Variants in MYBPC2 observed in about 807,000 individuals in gnomAD.
The protein encoded by MYBPC2 is myosin-binding protein C, fast-type.
A neutral mutation model predicts 137.0 loss-of-function variants in MYBPC2; 122 were observed. The ratio of observed to expected loss-of-function variants is 0.89; its 90% CI spans 0.77 to 1.03. The LOEUF (loss-of-function observed/expected upper bound fraction) is 1.03, where lower values mean the gene tolerates loss of function less well. MYBPC2 is among the 50% of genes least tolerant of loss of function. The pLI is 0.00. For missense variants in MYBPC2, 1,500 were observed against 1,534.4 expected, an observed-to-expected ratio of 0.98 and a Z score of 0.37; for synonymous variants, 626 against 612.3, an observed-to-expected ratio of 1.02 and a Z score of -0.33.
chr19:50,441,505 C>T lies in MYBPC2; in HGVS notation c.769+429C>T, dbSNP rs191646659. On this transcript the variant is annotated intron_variant, in intron 8 of 27. Transcript: ENST00000357701. ...CTCTGTCTCTGGGGTAGCCCTGTTC[C>T]GCAGGAGCAGTCAGAGGGCTGTAAC... Among the ~76,000 whole-genome samples, 27 of 152,308 alleles carry T rather than the reference C, an allele frequency of 1.8e-4. 1 individual carries two copies. Among genetic ancestry groups the T allele is most frequent in the South Asian group, 1.0e-3 (5 of 4,830 alleles).
chr19:50,456,170 T>TATCCATCC (rs536173459), intron 20 of MYBPC2, among the ~76,000 whole-genome samples: 80 of 141,300 alleles, frequency 5.7e-4, no homozygotes, highest in Non-Finnish European at 1.1e-3. Context: ...TATTTCCATC[T>TATCCATCC]ATCCATCCAT....
Position 50,466,059 on chromosome 19 carries a change from C to T in MYBPC2, c.3416-136C>T. 2 of 1,240,838 alleles carry T rather than the reference C, an allele frequency of 1.6e-6. No homozygotes were observed. Among genetic ancestry groups the T allele is most frequent in the Non-Finnish European group, 2.3e-6 (2 of 883,464 alleles). The allele number at this position is 1,240,838 out of a possible 1,614,324, so 76.9% of individuals were successfully genotyped here. On this transcript the variant is annotated intron_variant, in intron 27 of 27. Transcript: ENST00000357701. This position sits in a 1 kb window ranked among gnomAD's most constrained non-coding sequence, Gnocchi z 4.9. ...ACTGTGACTCTGGGTTGTCCAGCCA[C>T]AGTGGCCTAGGATGGGGCGGGATGG...
chr19:50,462,347 C>A (rs888664353), intron 26 of MYBPC2, among the ~76,000 whole-genome samples: 2 of 151,898 alleles, frequency 1.3e-5, no homozygotes, highest in African/African-American at 4.8e-5. Context: ...CCACTGTGGC[C>A]AGCTAATTTT....
chr19:50,457,161 G>A (rs1011042024), intron 20 of MYBPC2, among the ~76,000 whole-genome samples: 2 of 152,116 alleles, frequency 1.3e-5, no homozygotes, highest in African/African-American at 2.4e-5. Flanking sequence ...GTACAGTGAC[G>A]ATGTACTCGA....
chr19:50,441,551 G>A (rs1006612078), intron 8 of MYBPC2, among the ~76,000 whole-genome samples: 4 of 152,154 alleles, frequency 2.6e-5, no homozygotes, highest in Admixed American at 1.3e-4. Flanking sequence ...CAATAAAGCT[G>A]TTTTCAGGCT....
intron 1 of MYBPC2, among the ~76,000 whole-genome samples, chr19:50,433,398 T>G (rs1308398743): frequency 5.1e-5 from 7 of 137,174 alleles, no homozygotes; most frequent in South Asian, 2.4e-4. Context: ...TTTGTTTTTG[T>G]TTTTTGGTTT....
rs1464536771 is a variant in MYBPC2 at position 50,459,155 on chromosome 19, G to A, written c.2640G>A (p.Pro880=). Residue 880 remains proline (P), a synonymous_variant, in exon 23 of 28, where the codon CCG becomes CCA. Coordinates refer to ENST00000357701, the MANE Select transcript of MYBPC2 (RefSeq NM_004533.4). ...TGGTGTGGACCAAGGGCGGGGCCCC[G>A]CTGGACACCTCCCGCGTGCACGTGC... ...PQVVWTKGGA[P]LDTSRVHVRT... The A allele has an allele frequency of 2.2e-5, 33 of 1,532,254 alleles. No individual in the cohort carries two copies. Among genetic ancestry groups the A allele is most frequent in the Non-Finnish European group, 2.7e-5 (31 of 1,135,096 alleles). The allele number at this position is 1,532,254 out of a possible 1,614,324, so 94.9% of individuals were successfully genotyped here.
At chr19:50,462,170 AT>A (rs1215084169) in intron 26 of MYBPC2, 134 bp downstream of exon 26, 7 of 1,300,256 alleles carry the variant, frequency 5.4e-6, no homozygotes, top group Admixed American at 3.2e-5. Flanking sequence ...CACTTAAAAA[AT>A]TTTTTTAATT....
chr19:50,454,771 C>T (rs2039893236), intron 18 of MYBPC2, among the ~76,000 whole-genome samples: 1 of 152,052 alleles, frequency 6.6e-6, no homozygotes, highest in Admixed American at 6.6e-5. Flanking sequence ...CCTCAGTGAC[C>T]TACCTCTGAC....
intron 12 of MYBPC2, 105 bp from the exon 13 acceptor site, chr19:50,448,120 G>A (rs1361459333): frequency 7.5e-7 from 1 of 1,342,088 alleles, no homozygotes; most frequent in Non-Finnish European, 9.9e-7. Flanking sequence ...TCTGTGGCTG[G>A]TATCCCCAGT....
At chr19:50,443,390 TGA>T (rs147720211) in intron 9 of MYBPC2, 102 bp from the exon 10 acceptor site, 63,794 of 1,103,854 alleles carry the variant, frequency 0.058, no homozygotes, top group South Asian at 0.1. Flanking sequence ...AATTTGGCTC[TGA>T]GAGAGAGAGA....
rs562050970 is a variant in MYBPC2 at position 50,464,594 on chromosome 19, C to T, written c.3415+62C>T. ...TGCTCGGGCCCTGTGCCAGCCTGGCCGGTGGCCCCGGGCTGAGCACCGCTG... is the reference window on the plus strand; with the variant it reads ...TGCTCGGGCCCTGTGCCAGCCTGGCTGGTGGCCCCGGGCTGAGCACCGCTG... On this transcript the variant is annotated intron_variant, in intron 27 of 27. Transcript: ENST00000357701. The T allele has an allele frequency of 2.4e-4, 364 of 1,502,140 alleles. No homozygotes were observed. The Middle Eastern group carries it at 2.9e-3, about 12-fold the overall frequency. 93.1% of individuals were successfully genotyped at this position (1,502,140 alleles called of 1,614,324 possible). A position where few individuals can be genotyped will look rare whatever the true frequency, so the allele number is the denominator to read the frequency against.
At chr19:50,457,233 G>A (rs907248069) in intron 20 of MYBPC2, among the ~76,000 whole-genome samples, 4 of 152,032 alleles carry the variant, frequency 2.6e-5, no homozygotes, top group South Asian at 2.1e-4. Context: ...CCTCTCCTCC[G>A]TGCTCTTTAC....
intron 24 of MYBPC2, among the ~76,000 whole-genome samples, chr19:50,461,240 A>T (rs1200453917): frequency 2.0e-5 from 3 of 151,696 alleles, no homozygotes; most frequent in Non-Finnish European, 2.9e-5. Context: ...CCCAGGCTCA[A>T]GCGAGCCTCC....
In MYBPC2 at chr19:50,464,514, T is replaced by G; in HGVS notation, c.3397T>G (p.Cys1133Gly). 2 of 1,610,166 alleles carry G rather than the reference T, an allele frequency of 1.2e-6. No individual in the cohort carries two copies. Among genetic ancestry groups the G allele is most frequent in the Non-Finnish European group, 1.7e-6 (2 of 1,178,598 alleles). Residue 1133 changes from cysteine to glycine, a missense_variant, in exon 27 of 28, where the codon TGC becomes GGC. Physicochemically the swap from Cys to Gly is radical, Grantham distance 159. Coordinates refer to ENST00000357701, the MANE Select transcript of MYBPC2 (RefSeq NM_004533.4). ...CGAGCTGGGCGAGGCGCTGGCTGAG[T>G]GCAAGCTGGAGGTCCGAGGTGAGGG... is the stretch of plus-strand genomic sequence containing the variant. ...VNELGEALAE[C>G]KLEVRVPQ is the part of the protein sequence containing the mutation.
At chr19:50,440,529 G>T (rs1032129400) in intron 7 of MYBPC2, among the ~76,000 whole-genome samples, 1 of 151,802 alleles carries the variant, frequency 6.6e-6, no homozygotes, top group Non-Finnish European at 1.5e-5. Context: ...CAGGGGTGGT[G>T]GCGTGAGCCT....
intron 26 of MYBPC2, 56 bp downstream of exon 26, chr19:50,462,092 T>C (rs1305937885): frequency 6.6e-7 from 1 of 1,523,990 alleles, no homozygotes. Flanking sequence ...GAATCTTCCA[T>C]ACAATGAAGC....
At chr19:50,437,345 T>C (rs1601280997) in intron 5 of MYBPC2, 128 bp from the exon 6 acceptor site, 1 of 1,041,060 alleles carries the variant, frequency 9.6e-7, no homozygotes, top group African/African-American at 1.6e-5. Flanking sequence ...CTGAGCAAGG[T>C]TGTGCTGGTC....
At position 50,436,172 on chromosome 19, in the gene MYBPC2, G is replaced by A. The variant is rs989172602; in HGVS notation, c.345+12G>A. ...ACTCCGCCAGCAATGTGAGGACCCC[G>A]TGGGCCAGAGGGCTGGTGGAGGGGA... is the stretch of plus-strand genomic sequence containing the variant. On this transcript the variant is annotated intron_variant, in intron 4 of 27. Transcript: ENST00000357701. 38 of 1,577,552 alleles carry A rather than the reference G, an allele frequency of 2.4e-5. No homozygotes were observed. The highest frequency in any genetic ancestry group is 2.0e-4 in the Admixed American group (11 of 54,414).
Sources: gnomAD v4.1 joint callset for allele counts (sites outside exome capture counted in the v4.1 genomes callset) on GRCh38, gnomAD v4.1.1 for gene constraint, Gnocchi (gnomAD v3.1) non-coding constraint, MANE v1.5 for transcripts, NCBI Gene and HGNC (gene_info 2026-07-23, HGNC 2026-07-21) for gene names.